GALNTL6: variants seen among roughly 807,000 people sequenced by gnomAD.
The protein encoded by GALNTL6 is polypeptide N-acetylgalactosaminyltransferase-like 6.
A neutral mutation model predicts 73.7 loss-of-function variants in GALNTL6; 46 were observed. The ratio of observed to expected loss-of-function variants is 0.62; its 90% CI spans 0.49 to 0.80. The LOEUF is 0.80. Among genes scored for constraint, GALNTL6 ranks in the 30% least tolerant of loss-of-function variants. The probability of loss-of-function intolerance (pLI) is 0.00; values close to 1 mark genes in which losing one functional copy is unlikely to be tolerated. For synonymous variants in GALNTL6, 259 were observed against 263.7 expected, an observed-to-expected ratio of 0.98 and a Z score of 0.17; for missense variants, 604 against 755.0, an observed-to-expected ratio of 0.80 and a Z score of 2.34.
At chr4:172,572,110 A>G (rs2110951574) in intron 5 of GALNTL6, among the ~76,000 whole-genome samples, 1 of 152,330 alleles carries the variant, frequency 6.6e-6, no homozygotes, top group South Asian at 2.1e-4. Context: ...CTAGCAAGTC[A>G]TCAGATCACC....
intron 2 of GALNTL6, among the ~76,000 whole-genome samples, chr4:172,154,047 C>CT (rs35826525): frequency 0.33 from 46,776 of 143,846 alleles, 8,546 homozygotes; most frequent in South Asian, 0.52. Context: ...GGTTTTTCTT[C>CT]TTTTTTTTTT....
At chr4:172,828,642 C>A (rs1316021859) in intron 7 of GALNTL6, among the ~76,000 whole-genome samples, 1 of 152,206 alleles carries the variant, frequency 6.6e-6, no homozygotes, top group Non-Finnish European at 1.5e-5. Context: ...ATCAAATTAT[C>A]CTCATCCACA....
chr4:171,831,458 A>C lies in GALNTL6; in HGVS notation c.138+16740A>C, dbSNP rs572519017. On this transcript the variant is annotated intron_variant, in intron 2 of 12. Transcript: ENST00000506823. ...AATGCTAAATTACATCAAGCACATT[A>C]ATTATATCTCCTCTTGTTTGTACTA... is the stretch of plus-strand genomic sequence containing the variant. Among the ~76,000 whole-genome samples the C allele has an allele frequency of 2.0e-5, 3 of 152,068 alleles. No homozygotes were observed. The South Asian group carries it at 6.2e-4, about 32-fold the overall frequency.
At chr4:172,159,591 G>GCAT (rs1734390851) in intron 2 of GALNTL6, among the ~76,000 whole-genome samples, 1 of 152,094 alleles carries the variant, frequency 6.6e-6, no homozygotes, top group African/African-American at 2.4e-5. Context: ...ATGACCTTTG[G>GCAT]GTTGAAAACT....
At chr4:171,974,527 A>G (rs1158043588) in intron 2 of GALNTL6, among the ~76,000 whole-genome samples, 1 of 152,200 alleles carries the variant, frequency 6.6e-6, no homozygotes, top group Non-Finnish European at 1.5e-5. Context: ...TTATTTATAA[A>G]TGAGATATAT....
chr4:172,456,729 G>T (rs1341435595), intron 5 of GALNTL6, among the ~76,000 whole-genome samples: 1 of 152,134 alleles, frequency 6.6e-6, no homozygotes, highest in African/African-American at 2.4e-5. Context: ...TGTTTGATTG[G>T]TGTACCTGAA....
chr4:171,992,614 A>G (rs549836032), intron 2 of GALNTL6, among the ~76,000 whole-genome samples: 2 of 152,216 alleles, frequency 1.3e-5, no homozygotes, highest in South Asian at 4.1e-4. Context: ...TTATTTCTTG[A>G]AAGCTACAAA....
intron 8 of GALNTL6, among the ~76,000 whole-genome samples, chr4:172,920,497 T>G (rs904411751): frequency 6.6e-6 from 1 of 152,206 alleles, no homozygotes. Flanking sequence ...AGTGCTTGAC[T>G]GTCTAGTCTT....
chr4:171,894,258 C>G (rs1177913049), intron 2 of GALNTL6, among the ~76,000 whole-genome samples: 1 of 152,128 alleles, frequency 6.6e-6, no homozygotes, highest in African/African-American at 2.4e-5. Context: ...TTTAGTGTCA[C>G]TCTAGAGAAA....
At chr4:173,034,708 C>T (rs1222037713) in intron 12 of GALNTL6, among the ~76,000 whole-genome samples, 1 of 152,166 alleles carries the variant, frequency 6.6e-6, no homozygotes, top group Non-Finnish European at 1.5e-5. Flanking sequence ...ATTCAATGTT[C>T]ACACTGGCCC....
intron 10 of GALNTL6, among the ~76,000 whole-genome samples, chr4:173,004,999 C>T (rs1237064725): frequency 6.6e-6 from 1 of 152,142 alleles, no homozygotes; most frequent in Non-Finnish European, 1.5e-5. Context: ...CTCTAACAGC[C>T]AGTTGAATCC....
At chr4:171,840,150 A>AT (rs1735202850) in intron 2 of GALNTL6, among the ~76,000 whole-genome samples, 4 of 152,204 alleles carry the variant, frequency 2.6e-5, no homozygotes, top group Admixed American at 2.6e-4. Flanking sequence ...GCTGGCTTAA[A>AT]ATATATTCTG....
chr4:173,018,758 G>C (rs1239501085), intron 11 of GALNTL6, among the ~76,000 whole-genome samples: 1 of 152,208 alleles, frequency 6.6e-6, no homozygotes, highest in Admixed American at 6.5e-5. Context: ...GAACTACAGA[G>C]GTTTTAGCAT....
In GALNTL6 at chr4:172,527,632, AC is replaced by A. The variant is rs1277685559; in HGVS notation, c.553+178946del. On this transcript the variant is annotated intron_variant, in intron 5 of 12. Coordinates refer to ENST00000506823, the MANE Select transcript of GALNTL6 (RefSeq NM_001034845.3). ...ACCAGGTTTCACGTTGCTTTTAGGA[AC>A]CCTCTTGCCCTTAAGAGCCTATTGC... is the stretch of plus-strand genomic sequence containing the variant. Among the ~76,000 whole-genome samples the A allele has an allele frequency of 3.3e-5, 5 of 152,114 alleles. No homozygotes were observed. The East Asian group carries it at 9.7e-4, about 29-fold the overall frequency.
At chr4:171,920,754 T>C (rs913191758) in intron 2 of GALNTL6, among the ~76,000 whole-genome samples, 1 of 152,074 alleles carries the variant, frequency 6.6e-6, no homozygotes, top group Non-Finnish European at 1.5e-5. Flanking sequence ...CCTGACACCA[T>C]TTTCAAAGAA....
chr4:172,809,216 C>G lies in GALNTL6; in HGVS notation c.554-145C>G. 3.2e-6 allele frequency: 2 copies of G among 634,556 alleles called. No homozygotes were observed. Among genetic ancestry groups the G allele is most frequent in the Non-Finnish European group, 5.5e-6 (2 of 364,662 alleles). 39.3% of individuals were successfully genotyped at this position (634,556 alleles called of 1,614,324 possible). A position where few individuals can be genotyped will look rare whatever the true frequency, so the allele number is the denominator to read the frequency against. Reference sequence around the variant, plus strand: ...GAAAGTGTAAAATCTAAAAATCTTACTAGTATCTCCCATCTAGATGAGGAG... The same window carrying G: ...GAAAGTGTAAAATCTAAAAATCTTAGTAGTATCTCCCATCTAGATGAGGAG... On this transcript the variant is annotated intron_variant, in intron 5 of 12. Coordinates refer to ENST00000506823, the MANE Select transcript of GALNTL6 (RefSeq NM_001034845.3). This position sits in a 1 kb window ranked among gnomAD's most constrained non-coding sequence, Gnocchi z 4.4.
chr4:172,890,683 G>T (rs1451820159), intron 8 of GALNTL6, among the ~76,000 whole-genome samples: 1 of 152,140 alleles, frequency 6.6e-6, no homozygotes, highest in Middle Eastern at 3.2e-3. Flanking sequence ...GTTAAGTGGG[G>T]TATTCTGTAG....
chr4:172,558,620 G>A (rs1482620877), intron 5 of GALNTL6, among the ~76,000 whole-genome samples: 2 of 152,104 alleles, frequency 1.3e-5, no homozygotes, highest in African/African-American at 4.8e-5. Context: ...CCAGAACTGT[G>A]AGGTAATACA....
At chr4:172,861,692 G>A (rs1311869309) in intron 7 of GALNTL6, among the ~76,000 whole-genome samples, 1 of 152,158 alleles carries the variant, frequency 6.6e-6, no homozygotes, top group Non-Finnish European at 1.5e-5. Context: ...AATCATGGAG[G>A]TGGTTCTTTC....
Sources: allele counts gnomAD v4.1 joint callset (sites outside exome capture counted in the v4.1 genomes callset), GRCh38; gene constraint gnomAD v4.1.1; non-coding constraint Gnocchi (gnomAD v3.1); transcripts MANE v1.5; gene names NCBI Gene and HGNC (gene_info 2026-07-23, HGNC 2026-07-21).